KCNA6: variants seen among roughly 807,000 people sequenced by gnomAD.
KCNA6 encodes potassium voltage-gated channel subfamily A member 6, also known as human brain potassium channel-2.
KCNA6 carries 17 observed loss-of-function variants against 29.5 expected under a neutral mutation model. The ratio of observed to expected loss-of-function variants is 0.58; its 90% CI spans 0.39 to 0.86. The LOEUF (loss-of-function observed/expected upper bound fraction) is 0.86. KCNA6 is among the 40% of genes least tolerant of loss of function. The pLI is 0.00. For synonymous variants in KCNA6, 296 were observed against 304.7 expected, an observed-to-expected ratio of 0.97 and a Z score of 0.30; for missense variants, 450 against 703.4, an observed-to-expected ratio of 0.64 and a Z score of 4.07.
chr12:4,843,316 G>T, the KCNA6 span, among the ~76,000 whole-genome samples: 1 of 151,894 alleles, frequency 6.6e-6, no homozygotes, highest in Non-Finnish European at 1.5e-5. Flanking sequence ...GTGTAGCTGG[G>T]ACTACAGGCA....
At chr12:4,827,245 C>G in the KCNA6 span, among the ~76,000 whole-genome samples, 1 of 103,120 alleles carries the variant, frequency 9.7e-6, no homozygotes, top group African/African-American at 3.7e-5. Flanking sequence ...CCTTCCTTCC[C>G]TCCTTCCTTC....
At position 4,810,845 on chromosome 12, in the gene KCNA6, G is replaced by A. The variant is rs1946622585; in HGVS notation, c.804G>A (p.Thr268=). The A allele has an allele frequency of 6.2e-7, 1 of 1,605,464 alleles. No individual in the cohort carries two copies. Among genetic ancestry groups the A allele is most frequent in the Non-Finnish European group, 8.5e-7 (1 of 1,175,674 alleles). ...CAGACCCCTTCTTTCTGGTGGAGAC[G>A]CTGTGCATTGTCTGGTTCACTTTTG... The change falls in exon 1 of 1, where the codon ACG becomes ACA. Residue 268 remains threonine, a synonymous_variant. Transcript: ENST00000280684. This position sits in a 1 kb window ranked among gnomAD's most constrained non-coding sequence, Gnocchi z 7.5.
At chr12:4,839,625 C>G in the KCNA6 span, among the ~76,000 whole-genome samples, 5 of 152,138 alleles carry the variant, frequency 3.3e-5, no homozygotes, top group Non-Finnish European at 7.4e-5. Flanking sequence ...ATTTATTTAT[C>G]AAAGCAATGT....
chr12:4,839,907 CT>C, the KCNA6 span, among the ~76,000 whole-genome samples: 8 of 151,892 alleles, frequency 5.3e-5, no homozygotes, highest in Non-Finnish European at 7.4e-5. Flanking sequence ...AGGCAAAGTG[CT>C]TTTTTTTCTG....
At chr12:4,821,043 T>G in the KCNA6 span, among the ~76,000 whole-genome samples, 1 of 152,166 alleles carries the variant, frequency 6.6e-6, no homozygotes, top group Non-Finnish European at 1.5e-5. Context: ...AACGCTGACT[T>G]CTGATGCCTT....
exon 1 of KCNA6, chr12:4,812,232 C>T (rs1946639625): frequency 6.0e-6 from 1 of 167,756 alleles, no homozygotes; most frequent in Admixed American, 6.5e-5. Context: ...TTAGAGAATA[C>T]AATCAAACTT....
the KCNA6 span, among the ~76,000 whole-genome samples, chr12:4,835,171 GTC>G: frequency 7.1e-6 from 1 of 141,068 alleles, no homozygotes; most frequent in Non-Finnish European, 1.5e-5. Flanking sequence ...GTCTTGCTCT[GTC>G]GCCCAGGCTG....
At chr12:4,843,282 A>T in the KCNA6 span, among the ~76,000 whole-genome samples, 2 of 150,876 alleles carry the variant, frequency 1.3e-5, no homozygotes, top group Non-Finnish European at 3.0e-5. Flanking sequence ...CCGGGTTCAC[A>T]CCATTCTCCT....
At chr12:4,828,981 G>A in the KCNA6 span, among the ~76,000 whole-genome samples, 1 of 152,154 alleles carries the variant, frequency 6.6e-6, no homozygotes, top group Non-Finnish European at 1.5e-5. Context: ...TGTGTTTGAC[G>A]AGCTTGGGGT....
the KCNA6 span, among the ~76,000 whole-genome samples, chr12:4,828,125 C>T: frequency 6.6e-6 from 1 of 152,112 alleles, no homozygotes; most frequent in African/African-American, 2.4e-5. Context: ...ATCTGTATCT[C>T]TATAGAGACA....
the KCNA6 span, among the ~76,000 whole-genome samples, chr12:4,845,747 C>G: frequency 6.6e-6 from 1 of 151,972 alleles, no homozygotes; most frequent in East Asian, 1.9e-4. Flanking sequence ...TGTGTCGTTT[C>G]TTTTCTTTTA....
chr12:4,843,456 A>G, the KCNA6 span, among the ~76,000 whole-genome samples: 1 of 152,200 alleles, frequency 6.6e-6, no homozygotes, highest in Non-Finnish European at 1.5e-5. Context: ...CTGGGACTAC[A>G]GGCGTGAGCC....
chr12:4,844,928 T>C, the KCNA6 span, among the ~76,000 whole-genome samples: 2 of 152,200 alleles, frequency 1.3e-5, no homozygotes, highest in African/African-American at 4.8e-5. The surrounding 1 kb of genome is among the most constrained non-coding windows in gnomAD (Gnocchi z 4.0). Flanking sequence ...TGTTCCTGTT[T>C]ATAATTCTTT....
chr12:4,811,387 C>G lies in KCNA6; in HGVS notation c.1346C>G (p.Thr449Ser), dbSNP rs1379722832. 10 of 1,614,034 alleles carry G rather than the reference C, an allele frequency of 6.2e-6. No individual in the cohort carries two copies. The highest frequency in any genetic ancestry group is 8.5e-6 in the Non-Finnish European group (10 of 1,180,018). The change falls in exon 1 of 1, where the codon ACC becomes AGC. Residue 449 changes from threonine to serine, a missense_variant. By Grantham distance (58) the Thr-to-Ser change is moderately conservative. Coordinates refer to ENST00000280684, the Ensembl canonical transcript of KCNA6. The surrounding 1 kb of genome is among the most constrained non-coding windows in gnomAD (Gnocchi z 7.1). ...CTGTGTGCCATCGCTGGGGTCCTCA[C>G]CATTGCCCTGCCTGTGCCCGTCATC...
chr12:4,836,060 C>T, the KCNA6 span, among the ~76,000 whole-genome samples: 2 of 151,790 alleles, frequency 1.3e-5, no homozygotes, highest in East Asian at 3.9e-4. Context: ...CTGCCTAAGC[C>T]TCCTGAGTAG....
At chr12:4,841,254 G>C in the KCNA6 span, among the ~76,000 whole-genome samples, 1 of 152,114 alleles carries the variant, frequency 6.6e-6, no homozygotes, top group African/African-American at 2.4e-5. Context: ...CAGCCAGCCA[G>C]TATCACCATC....
the KCNA6 span, among the ~76,000 whole-genome samples, chr12:4,847,019 C>T: frequency 2.6e-5 from 4 of 151,658 alleles, no homozygotes; most frequent in South Asian, 2.1e-4. Context: ...CTCCTAACCT[C>T]GTGATCCACC....
At chr12:4,849,489 C>CTTTTTTTTTTTTTTTT in the KCNA6 span, among the ~76,000 whole-genome samples, 1 of 101,432 alleles carries the variant, frequency 9.9e-6, no homozygotes, top group African/African-American at 3.9e-5. Flanking sequence ...GATTTTTGCT[C>CTTTTTTTTTTTTTTTT]TTTTTTTTTT....
the KCNA6 span, chr12:4,838,929 A>C: frequency 6.6e-6 from 1 of 152,222 alleles, no homozygotes; most frequent in South Asian, 2.1e-4. Context: ...ATCTTCAAAT[A>C]CAGGCATCCT....
Sources: gnomAD v4.1 joint callset for allele counts (sites outside exome capture counted in the v4.1 genomes callset) on GRCh38, gnomAD v4.1.1 for gene constraint, Gnocchi (gnomAD v3.1) non-coding constraint, MANE v1.5 for transcripts, NCBI Gene and HGNC (gene_info 2026-07-23, HGNC 2026-07-21) for gene names.